The following GLP2R variants were observed in gnomAD, a reference collection of about 807,000 sequenced individuals.
GLP2R encodes glucagon-like peptide 2 receptor.
Under a neutral mutation model 68.2 loss-of-function variants are expected in GLP2R, and 59 were observed. That is an observed-to-expected ratio of 0.87 (90% confidence interval 0.70 to 1.07). The LOEUF is 1.07. Ranked by LOEUF, GLP2R falls within the 50% of genes least tolerant of loss-of-function variation. The probability of loss-of-function intolerance (pLI) is 0.00; values close to 1 mark genes in which losing one functional copy is unlikely to be tolerated. For missense variants in GLP2R, 548 were observed against 677.4 expected, an observed-to-expected ratio of 0.81 and a Z score of 2.12; for synonymous variants, 270 against 265.4, an observed-to-expected ratio of 1.02 and a Z score of -0.17.
At chr17:9,845,611 C>G (rs1415231116) in intron 4 of GLP2R, among the ~76,000 whole-genome samples, 1 of 152,154 alleles carries the variant, frequency 6.6e-6, no homozygotes, top group African/African-American at 2.4e-5. Context: ...ACCCTACAAA[C>G]ACTTCTCTCC....
intron 11 of GLP2R, among the ~76,000 whole-genome samples, chr17:9,883,509 T>C (rs111501430): frequency 0.022 from 3,356 of 152,250 alleles, 140 homozygotes; most frequent in African/African-American, 0.077. Flanking sequence ...CCAGGAAGCT[T>C]GATGAACTCC....
At chr17:9,827,765 G>A (rs1423551093) in intron 1 of GLP2R, among the ~76,000 whole-genome samples, 14 of 151,900 alleles carry the variant, frequency 9.2e-5, no homozygotes, top group Non-Finnish European at 1.6e-4. Flanking sequence ...GTTCAAGTCC[G>A]GCCTGGCCAA....
At chr17:9,881,092 G>T (rs1345370769) in intron 11 of GLP2R, among the ~76,000 whole-genome samples, 1 of 152,134 alleles carries the variant, frequency 6.6e-6, no homozygotes, top group Non-Finnish European at 1.5e-5. Flanking sequence ...TCATGATTCT[G>T]GGAGTTAGGA....
chr17:9,831,474 G>A (rs1189751125), intron 1 of GLP2R, among the ~76,000 whole-genome samples: 2 of 152,170 alleles, frequency 1.3e-5, no homozygotes, highest in Admixed American at 6.5e-5. Context: ...GATCGGTCAT[G>A]CAGGGGAAGG....
intron 1 of GLP2R, among the ~76,000 whole-genome samples, chr17:9,831,864 G>C (rs922545004): frequency 5.3e-5 from 8 of 152,286 alleles, no homozygotes; most frequent in African/African-American, 1.9e-4. Context: ...CCTGGACAAG[G>C]GGAAGGGAGC....
chr17:9,856,010 C>T (rs2066931295), intron 5 of GLP2R, among the ~76,000 whole-genome samples: 1 of 152,156 alleles, frequency 6.6e-6, no homozygotes, highest in Non-Finnish European at 1.5e-5. Flanking sequence ...GACCTGGAAA[C>T]CAGCTCCAGA....
intron 4 of GLP2R, 100 bp from the exon 5 acceptor site, chr17:9,854,395 A>C (rs2066917077): frequency 2.7e-6 from 2 of 732,520 alleles, no homozygotes; most frequent in Non-Finnish European, 4.9e-6. Context: ...AAATGTTGGG[A>C]GTCCATGCCT....
chr17:9,885,128 T>C (rs1041383215), intron 11 of GLP2R, among the ~76,000 whole-genome samples: 1 of 150,718 alleles, frequency 6.6e-6, no homozygotes, highest in African/African-American at 2.4e-5. Flanking sequence ...CAAAACTTCA[T>C]GGCTTAAAAT....
rs1231710451 is a variant in GLP2R, at chr17:9,867,580, T to C, written c.1057-3167T>C. Among the ~76,000 whole-genome samples the C allele has an allele frequency of 2.6e-5, 4 of 152,210 alleles. No individual in the cohort carries two copies. In the East Asian group the frequency reaches 7.7e-4, roughly 29 times the overall value. On this transcript the variant is annotated intron_variant, in intron 9 of 12. Transcript: ENST00000262441. ...AGTTGAATCATCTCGGAAACTGGCATATTCTTACAGCCTAGTCTCCCCAGC... is the reference window on the plus strand; with the variant it reads ...AGTTGAATCATCTCGGAAACTGGCACATTCTTACAGCCTAGTCTCCCCAGC...
chr17:9,865,542 A>C (rs1222542859), intron 9 of GLP2R, among the ~76,000 whole-genome samples: 2 of 152,158 alleles, frequency 1.3e-5, no homozygotes, highest in African/African-American at 4.8e-5. Flanking sequence ...CCTAACCAGA[A>C]TTGCCCGATG....
chr17:9,846,777 A>C (rs1173909013), intron 4 of GLP2R, among the ~76,000 whole-genome samples: 2 of 152,236 alleles, frequency 1.3e-5, no homozygotes, highest in Non-Finnish European at 2.9e-5. Context: ...AATTTAACAC[A>C]AAACATTAAT....
chr17:9,872,849 G>T (rs1428970211), intron 10 of GLP2R, among the ~76,000 whole-genome samples: 1 of 152,122 alleles, frequency 6.6e-6, no homozygotes, highest in Non-Finnish European at 1.5e-5. Context: ...TATAAATATG[G>T]GTGGCCACTC....
chr17:9,826,780 C>T (rs1302333207), intron 1 of GLP2R, among the ~76,000 whole-genome samples: 2 of 152,176 alleles, frequency 1.3e-5, no homozygotes, highest in South Asian at 2.1e-4. Context: ...AATCACTCTA[C>T]TTCCAACAGC....
Position 9,890,206 on chromosome 17 carries a change from T to TC in GLP2R, c.*504dup. 2.7e-6 allele frequency: 1 copy of TC among 372,344 alleles called. No homozygotes were observed. Among genetic ancestry groups the TC allele is most frequent in the Non-Finnish European group, 5.3e-6 (1 of 189,364 alleles). The allele number at this position is 372,344 out of a possible 1,614,324, so 23.1% of individuals were successfully genotyped here. A position where few individuals can be genotyped will look rare whatever the true frequency, so the allele number is the denominator to read the frequency against. On this transcript the variant is annotated 3_prime_UTR_variant, in exon 13 of 13. Transcript: ENST00000262441. ...AGGAATTGGAGCTGTTTAATAAGCA[T>TC]CCCAGGTAATTCTGCTGCAAGCCCA...
At chr17:9,844,737 C>T (rs1239497978) in intron 4 of GLP2R, among the ~76,000 whole-genome samples, 1 of 112,500 alleles carries the variant, frequency 8.9e-6, no homozygotes, top group Admixed American at 1.4e-4. Context: ...GTCACCTAGG[C>T]TGGAGTGCAA....
intron 2 of GLP2R, among the ~76,000 whole-genome samples, chr17:9,835,996 G>A (rs950114489): frequency 7.3e-6 from 1 of 137,546 alleles, no homozygotes; most frequent in African/African-American, 2.8e-5. Flanking sequence ...CTGAGATCAC[G>A]CCATTGTACT....
chr17:9,837,382 A>G (rs2066742214), intron 3 of GLP2R, among the ~76,000 whole-genome samples: 1 of 152,178 alleles, frequency 6.6e-6, no homozygotes. Flanking sequence ...AAGCTTCTAG[A>G]GTACAGATCC....
At chr17:9,840,197 G>A (rs866300639) in intron 3 of GLP2R, among the ~76,000 whole-genome samples, 16 of 152,256 alleles carry the variant, frequency 1.1e-4, no homozygotes, top group East Asian at 1.9e-4. Flanking sequence ...GGCTGGTCTC[G>A]AACTTCTGAC....
rs2067087096 is a variant in GLP2R at position 9,870,926 on chromosome 17, CCTA to C, written c.1145+92_1145+94del. ...GCTGTCTTGGGAAGGACATTTATCTCCTAAGGCCAGGGTATCAGAAAGAGCAGT... is the reference window on the plus strand; with the variant it reads ...GCTGTCTTGGGAAGGACATTTATCTCAGGCCAGGGTATCAGAAAGAGCAGT... On this transcript the variant is annotated intron_variant, in intron 10 of 12. Coordinates refer to ENST00000262441, the MANE Select transcript of GLP2R (RefSeq NM_004246.3). 3 of 731,822 alleles carry C rather than the reference CCTA, an allele frequency of 4.1e-6. No homozygotes were observed. The East Asian group carries it at 7.5e-5, about 18-fold the overall frequency. 45.3% of individuals were successfully genotyped at this position (731,822 alleles called of 1,614,324 possible). A position where few individuals can be genotyped will look rare whatever the true frequency, so the allele number is the denominator to read the frequency against.
Sources: gnomAD v4.1 joint callset for allele counts (sites outside exome capture counted in the v4.1 genomes callset) on GRCh38, gnomAD v4.1.1 for gene constraint, MANE v1.5 for transcripts, NCBI Gene and HGNC (gene_info 2026-07-23, HGNC 2026-07-21) for gene names.